The following CAMK1D variants were observed in gnomAD, a reference collection of about 807,000 sequenced individuals.
The protein encoded by CAMK1D is calcium/calmodulin dependent protein kinase ID.
In CAMK1D, 9 loss-of-function variants were observed where a neutral mutation model predicts 47.7. The observed-to-expected ratio is 0.19, with a 90% CI of 0.11 to 0.33. The LOEUF (loss-of-function observed/expected upper bound fraction) is 0.33. Among genes scored for constraint, CAMK1D ranks in the 10% least tolerant of loss-of-function variants. The pLI, the probability that CAMK1D is intolerant of heterozygous loss-of-function variation, is 1.00. For synonymous variants in CAMK1D, 184 were observed against 184.9 expected, an observed-to-expected ratio of 0.99 and a Z score of 0.04; for missense variants, 291 against 488.7, an observed-to-expected ratio of 0.60 and a Z score of 3.81.
At chr10:12,628,244 C>T (rs1439298437) in intron 2 of CAMK1D, among the ~76,000 whole-genome samples, 21 of 152,108 alleles carry the variant, frequency 1.4e-4, no homozygotes, top group Admixed American at 1.4e-3. Flanking sequence ...GGTAATTTGG[C>T]ACATATGTGT....
intron 1 of CAMK1D, among the ~76,000 whole-genome samples, chr10:12,523,928 T>A (rs1835529476): frequency 6.6e-6 from 1 of 152,002 alleles, no homozygotes; most frequent in African/African-American, 2.4e-5. Context: ...TGAGATGGAG[T>A]CTCGCTCTGT....
chr10:12,589,732 G>A (rs1837940837), intron 2 of CAMK1D, among the ~76,000 whole-genome samples: 1 of 152,194 alleles, frequency 6.6e-6, no homozygotes, highest in African/African-American at 2.4e-5. Context: ...GTAATTTTCA[G>A]CATTTACTAC....
intron 2 of CAMK1D, among the ~76,000 whole-genome samples, chr10:12,563,989 C>G (rs1013433555): frequency 3.9e-5 from 6 of 152,242 alleles, no homozygotes; most frequent in African/African-American, 1.4e-4. Flanking sequence ...CTTGGCAGAT[C>G]TTTCCCCTTT....
intron 1 of CAMK1D, among the ~76,000 whole-genome samples, chr10:12,381,412 T>G (rs1329912375): frequency 1.3e-5 from 2 of 151,420 alleles, no homozygotes; most frequent in African/African-American, 4.9e-5. Flanking sequence ...CTTGGTTCAC[T>G]CCAACCTCTG....
intron 3 of CAMK1D, among the ~76,000 whole-genome samples, chr10:12,703,736 G>T (rs1361108426): frequency 3.3e-5 from 5 of 152,136 alleles, no homozygotes; most frequent in African/African-American, 1.2e-4. Flanking sequence ...AGGTGTGGTG[G>T]CATGCGCCTG....
At chr10:12,817,932 A>C (rs933509009) in intron 8 of CAMK1D, among the ~76,000 whole-genome samples, 21 of 152,048 alleles carry the variant, frequency 1.4e-4, no homozygotes, top group African/African-American at 5.1e-4. Context: ...CAGGTGATCC[A>C]CCTGTTTCGG....
At chr10:12,491,734 T>C (rs1029085594) in intron 1 of CAMK1D, among the ~76,000 whole-genome samples, 4 of 152,072 alleles carry the variant, frequency 2.6e-5, no homozygotes, top group Non-Finnish European at 4.4e-5. Flanking sequence ...GTTGATAAAG[T>C]CATTAAAAGC....
chr10:12,557,607 T>C (rs928837737), intron 2 of CAMK1D, among the ~76,000 whole-genome samples: 2 of 151,054 alleles, frequency 1.3e-5, no homozygotes, highest in African/African-American at 4.9e-5. Context: ...TTTTCATGAC[T>C]AAGTCATTGT....
chr10:12,381,279 A>C (rs1327434604), intron 1 of CAMK1D, among the ~76,000 whole-genome samples: 1 of 152,070 alleles, frequency 6.6e-6, no homozygotes, highest in Non-Finnish European at 1.5e-5. Flanking sequence ...GAATCCTGCA[A>C]GGAGAAATCT....
At chr10:12,736,996 C>A (rs895998541) in intron 3 of CAMK1D, among the ~76,000 whole-genome samples, 1 of 152,178 alleles carries the variant, frequency 6.6e-6, no homozygotes, top group Non-Finnish European at 1.5e-5. Context: ...AGCTTAGGGA[C>A]CCAAGAGAAC....
chr10:12,748,208 C>A (rs1474024057), intron 3 of CAMK1D, among the ~76,000 whole-genome samples: 1 of 152,142 alleles, frequency 6.6e-6, no homozygotes, highest in Non-Finnish European at 1.5e-5. Context: ...AAAAGTTGTT[C>A]AAAAGCAAGC....
rs1170715935 is a variant in CAMK1D, at chr10:12,628,292, C to T, written c.225-38444C>T. Among the ~76,000 whole-genome samples, 4 of 152,090 alleles carry T rather than the reference C, an allele frequency of 2.6e-5. No individual in the cohort carries two copies. The East Asian group carries it at 7.7e-4, about 29-fold the overall frequency. Reference sequence around the variant, plus strand: ...CAGTGGGGTTGTACCATTTCATTCCCTCCAGTAATGTAAGATAGTTTTAGT... The same window carrying T: ...CAGTGGGGTTGTACCATTTCATTCCTTCCAGTAATGTAAGATAGTTTTAGT... On this transcript the variant is annotated intron_variant, in intron 2 of 10. Coordinates refer to ENST00000619168, the MANE Select transcript of CAMK1D (RefSeq NM_153498.4).
At chr10:12,349,938 G>A (rs780648426) in intron 1 of CAMK1D, 28 bp downstream of exon 1, 7 of 1,421,278 alleles carry the variant, frequency 4.9e-6, no homozygotes, top group Non-Finnish European at 9.6e-7. Context: ...AGGCGAGGGT[G>A]GAGGTGGCCG....
intron 1 of CAMK1D, among the ~76,000 whole-genome samples, chr10:12,403,728 A>C (rs760935673): frequency 3.3e-5 from 5 of 152,166 alleles, no homozygotes; most frequent in Admixed American, 6.5e-5. Flanking sequence ...AAATAATTTT[A>C]TTAATAATAA....
intron 1 of CAMK1D, among the ~76,000 whole-genome samples, chr10:12,381,413 C>G (rs4237422): frequency 0.85 from 127,818 of 150,682 alleles, 54,838 homozygotes; most frequent in East Asian, 0.93. Flanking sequence ...TTGGTTCACT[C>G]CAACCTCTGC....
chr10:12,414,585 T>C (rs1453813338), intron 1 of CAMK1D, among the ~76,000 whole-genome samples: 3 of 152,202 alleles, frequency 2.0e-5, no homozygotes, highest in Admixed American at 2.0e-4. Flanking sequence ...GCCTCGCTGT[T>C]GGAATAAATT....
chr10:12,638,028 A>G (rs1839558811), intron 2 of CAMK1D, among the ~76,000 whole-genome samples: 1 of 152,116 alleles, frequency 6.6e-6, no homozygotes, highest in South Asian at 2.1e-4. Context: ...AGGCAGCTGA[A>G]TGGTGGAGGA....
At chr10:12,439,020 C>G (rs1486391149) in intron 1 of CAMK1D, among the ~76,000 whole-genome samples, 1 of 152,170 alleles carries the variant, frequency 6.6e-6, no homozygotes, top group African/African-American at 2.4e-5. Flanking sequence ...CTGTCTCTTC[C>G]TCTCCTGTTT....
intron 2 of CAMK1D, among the ~76,000 whole-genome samples, chr10:12,637,469 G>A (rs900393937): frequency 6.6e-6 from 1 of 152,066 alleles, no homozygotes. Flanking sequence ...TAATGCAAAC[G>A]CATGGACGTA....
Sources: gnomAD v4.1 joint callset for allele counts (sites outside exome capture counted in the v4.1 genomes callset) on GRCh38, gnomAD v4.1.1 for gene constraint, MANE v1.5 for transcripts, NCBI Gene and HGNC (gene_info 2026-07-23, HGNC 2026-07-21) for gene names.